Variants in CYSLTR2 observed in about 807,000 individuals in gnomAD.
CYSLTR2 encodes G-protein coupled receptor GPCR21.
For missense variants in CYSLTR2, 398 were observed against 411.9 expected (o/e 0.97, Z 0.29); for synonymous variants, 179 against 160.8 (o/e 1.11, Z -0.86).
intron 1 of CYSLTR2, among the ~76,000 whole-genome samples, chr13:48,670,829 C>T (rs2138850293): frequency 6.6e-6 from 1 of 152,246 alleles, no homozygotes; most frequent in East Asian, 1.9e-4. Context: ...TCAGTGGTAG[C>T]TTGATGGGGA....
Position 48,707,201 on chromosome 13 carries a change from C to A in CYSLTR2, c.384C>A (p.Phe128Leu), listed in dbSNP as rs764862659. ...TCAACATGTACAGCAGTATTTATTT[C>A]CTGACCGTGCTGAGTGTTGTGCGTT... ...LYVNMYSSIY[F>L]LTVLSVVRFL... Residue 128 changes from phenylalanine (F) to leucine (L), a missense_variant, in exon 5 of 5, where the codon TTC becomes TTA. Transcript: ENST00000682523. The A allele has an allele frequency of 6.2e-6, 10 of 1,614,040 alleles. No homozygotes were observed. In the Admixed American group the frequency reaches 8.3e-5, roughly 13 times the overall value.
chr13:48,654,779 A>G (rs934682111), intron 1 of CYSLTR2, among the ~76,000 whole-genome samples: 1 of 152,188 alleles, frequency 6.6e-6, no homozygotes, highest in Non-Finnish European at 1.5e-5. Context: ...TTACCCCTAG[A>G]ATAACTGAAG....
At chr13:48,671,403 G>T (rs1037104508) in intron 1 of CYSLTR2, among the ~76,000 whole-genome samples, 4 of 152,172 alleles carry the variant, frequency 2.6e-5, no homozygotes, top group African/African-American at 9.7e-5. Flanking sequence ...GTATGGTATT[G>T]GCTGTGGGTT....
chr13:48,705,483 G>A (rs1029612037), intron 4 of CYSLTR2, among the ~76,000 whole-genome samples: 1 of 150,104 alleles, frequency 6.7e-6, no homozygotes, highest in Non-Finnish European at 1.5e-5. Flanking sequence ...TCTTTTTCCT[G>A]CCTTGTTGTT....
In CYSLTR2 at chr13:48,684,959, A is replaced by T. The variant is rs140962139; in HGVS notation, c.-265-6253A>T. Among the ~76,000 whole-genome samples the T allele has an allele frequency of 2.2e-3, 331 of 152,352 alleles. 2 individuals carry two copies. The highest frequency in any genetic ancestry group is 7.4e-3 in the African/African-American group (309 of 41,590). ...AAGAAGTGCCAAGGATTGCTGGTAAATACCTGAAGCTAGAAGAGACAAGGA... is the reference window on the plus strand; with the variant it reads ...AAGAAGTGCCAAGGATTGCTGGTAATTACCTGAAGCTAGAAGAGACAAGGA... On this transcript the variant is annotated intron_variant, in intron 1 of 4. Transcript: ENST00000682523.
chr13:48,683,337 C>T (rs1333161901), intron 1 of CYSLTR2, among the ~76,000 whole-genome samples: 1 of 152,222 alleles, frequency 6.6e-6, no homozygotes, highest in Admixed American at 6.5e-5. Flanking sequence ...CAAATTTACA[C>T]TCTCACAAAC....
intron 4 of CYSLTR2, among the ~76,000 whole-genome samples, chr13:48,702,881 G>A (rs947446670): frequency 6.6e-6 from 1 of 152,090 alleles, no homozygotes; most frequent in Admixed American, 6.6e-5. Context: ...TAAATCTGGG[G>A]AGAATTGACA....
chr13:48,673,814 C>T (rs571146706), intron 1 of CYSLTR2, among the ~76,000 whole-genome samples: 3 of 152,206 alleles, frequency 2.0e-5, no homozygotes, highest in Non-Finnish European at 2.9e-5. Flanking sequence ...TAAGGCAGGC[C>T]TGGTGGTGAC....
intron 4 of CYSLTR2, among the ~76,000 whole-genome samples, chr13:48,702,625 G>A (rs1231616016): frequency 6.6e-6 from 1 of 152,048 alleles, no homozygotes; most frequent in East Asian, 1.9e-4. Flanking sequence ...TCTGTTTCTG[G>A]GTTTCTATTC....
At chr13:48,655,386 G>T (rs970607478) in intron 1 of CYSLTR2, among the ~76,000 whole-genome samples, 1 of 152,204 alleles carries the variant, frequency 6.6e-6, no homozygotes, top group Non-Finnish European at 1.5e-5. Flanking sequence ...CTGGCTTTCA[G>T]GAGCCACATA....
At chr13:48,667,562 A>T (rs1288533470) in intron 1 of CYSLTR2, among the ~76,000 whole-genome samples, 1 of 152,138 alleles carries the variant, frequency 6.6e-6, no homozygotes, top group Non-Finnish European at 1.5e-5. Context: ...GGGGTGCCCC[A>T]CAGGGCTGTT....
At chr13:48,655,097 G>T (rs1952969945) in intron 1 of CYSLTR2, among the ~76,000 whole-genome samples, 1 of 152,144 alleles carries the variant, frequency 6.6e-6, no homozygotes, top group African/African-American at 2.4e-5. Flanking sequence ...CTTGAGATAA[G>T]AATCTACTTG....
At chr13:48,671,325 T>G (rs1161140640) in intron 1 of CYSLTR2, among the ~76,000 whole-genome samples, 1 of 152,090 alleles carries the variant, frequency 6.6e-6, no homozygotes, top group African/African-American at 2.4e-5. Context: ...TGAATAGGAG[T>G]GGTGAGAGAG....
At chr13:48,658,214 T>C (rs2138799139) in intron 1 of CYSLTR2, among the ~76,000 whole-genome samples, 1 of 152,304 alleles carries the variant, frequency 6.6e-6, no homozygotes, top group Non-Finnish European at 1.5e-5. Context: ...GAGCACCATC[T>C]GGGTACCCTC....
intron 1 of CYSLTR2, among the ~76,000 whole-genome samples, chr13:48,682,679 T>C (rs1953787794): frequency 6.6e-6 from 1 of 152,122 alleles, no homozygotes; most frequent in Non-Finnish European, 1.5e-5. Flanking sequence ...CTTACACCCA[T>C]AGAACTCATA....
chr13:48,689,472 G>T (rs577234922), intron 1 of CYSLTR2, among the ~76,000 whole-genome samples: 15 of 152,168 alleles, frequency 9.9e-5, no homozygotes, highest in Admixed American at 3.3e-4. Flanking sequence ...TTCTGTATAT[G>T]GCTAGCCAGT....
chr13:48,666,377 G>A (rs972431352), intron 1 of CYSLTR2, among the ~76,000 whole-genome samples: 2 of 152,074 alleles, frequency 1.3e-5, no homozygotes, highest in Non-Finnish European at 2.9e-5. Context: ...GTGACTTGGG[G>A]AGGATCTTTT....
intron 1 of CYSLTR2, among the ~76,000 whole-genome samples, chr13:48,673,605 G>A (rs1407249554): frequency 6.6e-6 from 1 of 151,854 alleles, no homozygotes; most frequent in Non-Finnish European, 1.5e-5. Flanking sequence ...TTTAATTGGG[G>A]CATTTAGCCC....
intron 1 of CYSLTR2, among the ~76,000 whole-genome samples, chr13:48,657,302 G>A (rs190085452): frequency 9.9e-4 from 151 of 152,268 alleles, no homozygotes; most frequent in Non-Finnish European, 1.7e-3. Context: ...GTTATTATTC[G>A]AGAGGCCCAG....
Sources: allele counts gnomAD v4.1 joint callset (sites outside exome capture counted in the v4.1 genomes callset), GRCh38; gene constraint gnomAD v4.1.1; transcripts MANE v1.5; gene names NCBI Gene and HGNC (gene_info 2026-07-23, HGNC 2026-07-21).